Variants in CYP7B1 observed in about 807,000 individuals in gnomAD.
CYP7B1 encodes cytochrome P450 7B1.
In CYP7B1, 29 loss-of-function variants were observed where a neutral mutation model predicts 42.7. The ratio of observed to expected loss-of-function variants is 0.68; its 90% CI spans 0.51 to 0.93. CYP7B1 has a LOEUF of 0.93. Ranked by LOEUF, CYP7B1 falls within the 40% of genes least tolerant of loss-of-function variation. The pLI is 0.00. For synonymous variants in CYP7B1, 235 were observed against 218.2 expected (o/e 1.08, Z -0.68); for missense variants, 655 against 600.5 (o/e 1.09, Z -0.95).
intron 1 of CYP7B1, among the ~76,000 whole-genome samples, chr8:64,648,044 C>A (rs560159408): frequency 6.6e-6 from 1 of 152,122 alleles, no homozygotes; most frequent in African/African-American, 2.4e-5. Flanking sequence ...TTACTCTATA[C>A]TCAATTTGTG....
chr8:64,722,747 G>C (rs1199229786), intron 1 of CYP7B1, among the ~76,000 whole-genome samples: 17 of 107,960 alleles, frequency 1.6e-4, no homozygotes, highest in Non-Finnish European at 2.6e-4. Flanking sequence ...TTGCGGCGGG[G>C]GGGGGGGGGC....
intron 1 of CYP7B1, among the ~76,000 whole-genome samples, chr8:64,746,409 C>A (rs139259474): frequency 6.6e-6 from 1 of 152,176 alleles, no homozygotes; most frequent in South Asian, 2.1e-4. Flanking sequence ...GAGGCACTGT[C>A]ATTCCTGCAT....
At chr8:64,626,963 C>G (rs1017138830) in intron 1 of CYP7B1, among the ~76,000 whole-genome samples, 1 of 152,284 alleles carries the variant, frequency 6.6e-6, no homozygotes, top group African/African-American at 2.4e-5. Context: ...TTTATTTTCC[C>G]ACAATCCAAC....
chr8:64,701,250 C>T (rs1398408297), intron 1 of CYP7B1, among the ~76,000 whole-genome samples: 2 of 151,882 alleles, frequency 1.3e-5, no homozygotes, highest in African/African-American at 2.4e-5. Flanking sequence ...ACCAGTGAAC[C>T]CAGTTCTCAT....
At chr8:64,704,261 C>G (rs1464171777) in intron 1 of CYP7B1, among the ~76,000 whole-genome samples, 1 of 151,986 alleles carries the variant, frequency 6.6e-6, no homozygotes, top group Non-Finnish European at 1.5e-5. Context: ...TAGCCCAGTA[C>G]AGAAAAGATT....
At chr8:64,779,758 C>G (rs1050233345) in intron 1 of CYP7B1, among the ~76,000 whole-genome samples, 2 of 152,120 alleles carry the variant, frequency 1.3e-5, no homozygotes, top group African/African-American at 2.4e-5. Flanking sequence ...TCTCATCCTA[C>G]TATTATTTGT....
intron 1 of CYP7B1, among the ~76,000 whole-genome samples, chr8:64,769,496 C>G (rs1585904855): frequency 6.6e-6 from 1 of 152,186 alleles, no homozygotes; most frequent in Non-Finnish European, 1.5e-5. Context: ...CCTCCCAGGG[C>G]AGCATAAACC....
intron 1 of CYP7B1, chr8:64,734,348 C>T (rs1364418752): frequency 6.6e-6 from 1 of 152,166 alleles, no homozygotes; most frequent in African/African-American, 2.4e-5. Flanking sequence ...TCTCACAGTT[C>T]TAGAAGCTGG....
chr8:64,691,936 T>G (rs1429660411), intron 1 of CYP7B1, among the ~76,000 whole-genome samples: 1 of 152,184 alleles, frequency 6.6e-6, no homozygotes, highest in African/African-American at 2.4e-5. Flanking sequence ...CTCAAACATG[T>G]TTTTTCTGGA....
intron 1 of CYP7B1, among the ~76,000 whole-genome samples, chr8:64,726,670 G>C (rs543674675): frequency 4.6e-5 from 7 of 152,182 alleles, no homozygotes; most frequent in Non-Finnish European, 1.0e-4. Context: ...TAATAAATGT[G>C]AGAAGCTTGT....
intron 1 of CYP7B1, among the ~76,000 whole-genome samples, chr8:64,678,745 T>C (rs1806488888): frequency 1.3e-5 from 2 of 152,154 alleles, no homozygotes; most frequent in Non-Finnish European, 2.9e-5. Context: ...GTGAGAACCA[T>C]GCCTGTAGGC....
intron 1 of CYP7B1, among the ~76,000 whole-genome samples, chr8:64,747,524 G>A (rs1807662357): frequency 6.6e-6 from 1 of 151,506 alleles, no homozygotes; most frequent in Non-Finnish European, 1.5e-5. Flanking sequence ...AATAAAGTAA[G>A]CTAGAGAAAA....
At chr8:64,663,694 G>A (rs1258987591) in intron 1 of CYP7B1, among the ~76,000 whole-genome samples, 3 of 151,982 alleles carry the variant, frequency 2.0e-5, no homozygotes, top group Admixed American at 6.6e-5. Flanking sequence ...GTGTAATCTC[G>A]CATCCAAACT....
chr8:64,651,451 T>A (rs569826202), intron 1 of CYP7B1, among the ~76,000 whole-genome samples: 2 of 152,378 alleles, frequency 1.3e-5, no homozygotes, highest in South Asian at 4.1e-4. Context: ...TGGAGCCAGA[T>A]TATCTGAGTC....
chr8:64,791,619 A>G (rs1402413608), intron 1 of CYP7B1, among the ~76,000 whole-genome samples: 1 of 152,222 alleles, frequency 6.6e-6, no homozygotes, highest in African/African-American at 2.4e-5. Context: ...CCCAAAAGGG[A>G]TACAGCCCTT....
chr8:64,692,379 C>A (rs1002728231), intron 1 of CYP7B1, among the ~76,000 whole-genome samples: 1 of 152,198 alleles, frequency 6.6e-6, no homozygotes, highest in African/African-American at 2.4e-5. Flanking sequence ...CAAATTCAGA[C>A]TCCAAGCTGT....
chr8:64,732,934 G>C (rs983367603), intron 1 of CYP7B1: 2 of 152,380 alleles, frequency 1.3e-5, no homozygotes, highest in African/African-American at 4.8e-5. Flanking sequence ...GGTCTCCCCA[G>C]TTGTGCTAAA....
intron 1 of CYP7B1, among the ~76,000 whole-genome samples, chr8:64,638,057 CA>C (rs1353376266): frequency 6.6e-6 from 1 of 152,124 alleles, no homozygotes; most frequent in Non-Finnish European, 1.5e-5. Context: ...ATGAAAACTG[CA>C]TGTCATTCTT....
Position 64,767,829 on chromosome 8 carries a change from T to C in CYP7B1, c.122+30637A>G, listed in dbSNP as rs548068097. Among the ~76,000 whole-genome samples the C allele has an allele frequency of 9.8e-5, 15 of 152,302 alleles. No homozygotes were observed. The South Asian group carries it at 2.1e-3, about 21-fold the overall frequency. On this transcript the variant is annotated intron_variant, in intron 1 of 5. Coordinates refer to ENST00000310193, the MANE Select transcript of CYP7B1 (RefSeq NM_004820.5). ...ATCGTTCTTCAAATGAAACCCTAGATGCAGTCCATGAGTAAGATCTACCGC... is the reference window on the plus strand; with the variant it reads ...ATCGTTCTTCAAATGAAACCCTAGACGCAGTCCATGAGTAAGATCTACCGC...
Sources: gnomAD v4.1 joint callset for allele counts (sites outside exome capture counted in the v4.1 genomes callset) on GRCh38, gnomAD v4.1.1 for gene constraint, MANE v1.5 for transcripts, NCBI Gene and HGNC (gene_info 2026-07-23, HGNC 2026-07-21) for gene names.